The following AGO2 variants were observed in gnomAD, a reference collection of about 807,000 sequenced individuals.
AGO2 encodes protein argonaute-2.
In AGO2, 5 loss-of-function variants were observed where a neutral mutation model predicts 102.3. The observed-to-expected ratio is 0.05, with a 90% CI of 0.03 to 0.10. AGO2 has a LOEUF of 0.10. AGO2 is among the 10% of genes least tolerant of loss of function. AGO2 has a pLI of 1.00. For synonymous variants in AGO2, 449 were observed against 473.1 expected, an observed-to-expected ratio of 0.95 and a Z score of 0.66; for missense variants, 541 against 1,183.7, an observed-to-expected ratio of 0.46 and a Z score of 7.97.
At chr8:140,552,637 G>C (rs1179299786) in intron 10 of AGO2, among the ~76,000 whole-genome samples, 2 of 152,122 alleles carry the variant, frequency 1.3e-5, no homozygotes, top group African/African-American at 4.8e-5. Context: ...CTGTGTGCAA[G>C]AGTCTCACAG....
chr8:140,529,707 G>T lies in AGO2; in HGVS notation c.*2337C>A. 6.6e-6 allele frequency: 1 copy of T among 152,274 alleles called. No individual in the cohort carries two copies. The allele number at this position is 152,274 out of a possible 1,614,324, so 9.4% of individuals were successfully genotyped here. ...ACCAGAGCTGGGTCCTCAGACCCCA[G>T]GGAGCCCAGGGCTGCAGGCCATCGC... On this transcript the variant is annotated 3_prime_UTR_variant, in exon 19 of 19. Transcript: ENST00000220592.
chr8:140,601,149 G>A (rs1157748345), intron 1 of AGO2, among the ~76,000 whole-genome samples: 1 of 152,188 alleles, frequency 6.6e-6, no homozygotes, highest in African/African-American at 2.4e-5. Flanking sequence ...TGCACCTGGA[G>A]ACAGCCAGGT....
intron 3 of AGO2, among the ~76,000 whole-genome samples, chr8:140,566,420 C>A (rs1309300032): frequency 1.3e-5 from 2 of 152,200 alleles, no homozygotes; most frequent in Non-Finnish European, 2.9e-5. Flanking sequence ...GCTAATACAG[C>A]ACCATTAACC....
intron 1 of AGO2, among the ~76,000 whole-genome samples, chr8:140,609,567 T>C (rs2074049164): frequency 6.6e-6 from 1 of 152,170 alleles, no homozygotes; most frequent in South Asian, 2.1e-4. Flanking sequence ...GAATCTGCCA[T>C]CTCAATGAGG....
chr8:140,629,379 G>A (rs2074314418), intron 1 of AGO2, among the ~76,000 whole-genome samples: 4 of 144,850 alleles, frequency 2.8e-5, no homozygotes, highest in African/African-American at 9.9e-5. Context: ...AGGTGGGAAG[G>A]CAGAAAAGTC....
chr8:140,595,175 A>G (rs2073807691), intron 1 of AGO2, among the ~76,000 whole-genome samples: 1 of 152,196 alleles, frequency 6.6e-6, no homozygotes, highest in African/African-American at 2.4e-5. Flanking sequence ...AAGGTCCATC[A>G]GGAGAAAATG....
At position 140,527,870 on chromosome 8, in the gene AGO2, A is replaced by C. The variant is rs983394096; in HGVS notation, c.*4174T>G. 3 of 152,210 alleles carry C rather than the reference A, an allele frequency of 2.0e-5. No individual in the cohort carries two copies. Among genetic ancestry groups the C allele is most frequent in the Non-Finnish European group, 2.9e-5 (2 of 68,050 alleles). 9.4% of individuals were successfully genotyped at this position (152,210 alleles called of 1,614,324 possible). A position where few individuals can be genotyped will look rare whatever the true frequency, so the allele number is the denominator to read the frequency against. ...CTAATGGAACTGCCTTATGTGTAGGAAAATGCCCATGAAAAATCCTTTTAA... is the reference window on the plus strand; with the variant it reads ...CTAATGGAACTGCCTTATGTGTAGGCAAATGCCCATGAAAAATCCTTTTAA... On this transcript the variant is annotated 3_prime_UTR_variant, in exon 19 of 19. Transcript: ENST00000220592. This position sits in a 1 kb window ranked among gnomAD's most constrained non-coding sequence, Gnocchi z 6.0.
Position 140,535,504 on chromosome 8 carries a change from C to T in AGO2, c.2235G>A (p.Glu745=). The T allele has an allele frequency of 6.2e-7, 1 of 1,614,222 alleles. No homozygotes were observed. Among genetic ancestry groups the T allele is most frequent in the Non-Finnish European group, 8.5e-7 (1 of 1,180,036 alleles). Residue 745 remains glutamate (E), a synonymous_variant, in exon 17 of 19, where the codon GAG becomes GAA. Transcript: ENST00000220592. ...TVDTKITHPT[E]FDFYLCSHAG... Reference sequence around the variant, plus strand: ...CGTGACTACACAGGTAGAAGTCGAACTCGGTGGGGTGGGTGATTTTCGTGT... The same window carrying T: ...CGTGACTACACAGGTAGAAGTCGAATTCGGTGGGGTGGGTGATTTTCGTGT...
chr8:140,591,023 G>A (rs1401957498), intron 1 of AGO2, among the ~76,000 whole-genome samples: 1 of 152,182 alleles, frequency 6.6e-6, no homozygotes, highest in African/African-American at 2.4e-5. Context: ...CACTCCCTTG[G>A]GCCCATGGGA....
chr8:140,638,617 A>G (rs927545781), upstream of AGO2, among the ~76,000 whole-genome samples: 1 of 152,224 alleles, frequency 6.6e-6, no homozygotes, highest in Non-Finnish European at 1.5e-5. Flanking sequence ...CAGGATCACC[A>G]AAGTGAAAGT....
At chr8:140,619,528 A>C (rs1463406014) in intron 1 of AGO2, among the ~76,000 whole-genome samples, 2 of 152,192 alleles carry the variant, frequency 1.3e-5, no homozygotes, top group Non-Finnish European at 2.9e-5. Flanking sequence ...AGGCTTAAGG[A>C]AGCCGCGGGA....
At chr8:140,606,921 A>G (rs2074005248) in intron 1 of AGO2, among the ~76,000 whole-genome samples, 1 of 151,470 alleles carries the variant, frequency 6.6e-6, no homozygotes, top group South Asian at 2.1e-4. Context: ...TGGGTGACAG[A>G]GCAAGACTGC....
At chr8:140,582,466 T>C (rs769769145) in intron 2 of AGO2, among the ~76,000 whole-genome samples, 3 of 152,092 alleles carry the variant, frequency 2.0e-5, no homozygotes, top group Non-Finnish European at 4.4e-5. Context: ...AAAATTCAAA[T>C]AAATAAATAA....
chr8:140,543,431 C>T (rs2072837549), intron 14 of AGO2, among the ~76,000 whole-genome samples: 2 of 152,192 alleles, frequency 1.3e-5, no homozygotes, highest in South Asian at 2.1e-4. Context: ...TATTCTCTCC[C>T]AACTAATGAA....
chr8:140,559,314 G>T, intron 6 of AGO2, 81 bp downstream of exon 6: 1 of 1,557,950 alleles, frequency 6.4e-7, no homozygotes, highest in Non-Finnish European at 8.7e-7. Context: ...ACAAGAACCA[G>T]AACTGCAAAA....
chr8:140,565,052 T>A (rs965362991), intron 3 of AGO2, among the ~76,000 whole-genome samples: 4 of 152,064 alleles, frequency 2.6e-5, no homozygotes, highest in African/African-American at 9.7e-5. Flanking sequence ...GAGAATCGCT[T>A]AAACCTGGGA....
At chr8:140,594,674 G>A (rs1280325037) in intron 1 of AGO2, among the ~76,000 whole-genome samples, 2 of 152,096 alleles carry the variant, frequency 1.3e-5, no homozygotes, top group Non-Finnish European at 2.9e-5. Context: ...AGTCATGGTG[G>A]CATGCCTCTG....
chr8:140,594,899 T>C (rs2073803006), intron 1 of AGO2, among the ~76,000 whole-genome samples: 2 of 151,438 alleles, frequency 1.3e-5, no homozygotes, highest in African/African-American at 4.9e-5. Flanking sequence ...TATGACATCA[T>C]AAATACACAA....
At chr8:140,605,582 G>A (rs1347883459) in intron 1 of AGO2, among the ~76,000 whole-genome samples, 1 of 152,234 alleles carries the variant, frequency 6.6e-6, no homozygotes, top group Non-Finnish European at 1.5e-5. Flanking sequence ...TGTCTTCTAG[G>A]GGAGGGTCTG....
Sources: gnomAD v4.1 joint callset for allele counts (sites outside exome capture counted in the v4.1 genomes callset) on GRCh38, gnomAD v4.1.1 for gene constraint, Gnocchi (gnomAD v3.1) non-coding constraint, MANE v1.5 for transcripts, NCBI Gene and HGNC (gene_info 2026-07-23, HGNC 2026-07-21) for gene names.